The following HMX1 variants were observed in gnomAD, a reference collection of about 807,000 sequenced individuals.
The protein encoded by HMX1 is H6 family homeobox 1.
In HMX1, 8 loss-of-function variants were observed where a neutral mutation model predicts 8.9. That is an observed-to-expected ratio of 0.90 (90% CI 0.53 to 1.63). The LOEUF (loss-of-function observed/expected upper bound fraction) is 1.63, where lower values mean the gene tolerates loss of function less well. HMX1 is among the 40% of genes most tolerant of loss of function. The pLI, the probability that HMX1 is intolerant of heterozygous loss-of-function variation, is 0.00. For missense variants in HMX1, 621 were observed against 558.5 expected, an observed-to-expected ratio of 1.11 and a Z score of -1.13; for synonymous variants, 311 against 283.4, an observed-to-expected ratio of 1.10 and a Z score of -0.98.
rs1722026617 is a variant in HMX1, at chr4:8,867,216, G to A, written c.*477C>T. The A allele has an allele frequency of 1.0e-6, 1 of 985,798 alleles. No individual in the cohort carries two copies. The allele number at this position is 985,798 out of a possible 1,614,324, so 61.1% of individuals were successfully genotyped here. A position where few individuals can be genotyped will look rare whatever the true frequency, so the allele number is the denominator to read the frequency against. ...TTCTCCACCAGCACCCGCGAGAGGGGTAGCACAGCCCTCCGGGCCGGCCTG... is the reference window on the plus strand; with the variant it reads ...TTCTCCACCAGCACCCGCGAGAGGGATAGCACAGCCCTCCGGGCCGGCCTG... On this transcript the variant is annotated 3_prime_UTR_variant, in exon 2 of 2. Transcript: ENST00000400677.
downstream of HMX1, among the ~76,000 whole-genome samples, chr4:8,863,935 G>A (rs371804951): frequency 4.6e-5 from 7 of 152,368 alleles, no homozygotes; most frequent in East Asian, 7.7e-4. Flanking sequence ...AAACACCACC[G>A]TAGTGGCCTT....
downstream of HMX1, among the ~76,000 whole-genome samples, chr4:8,864,008 G>A (rs1216749252): frequency 6.6e-6 from 1 of 152,212 alleles, no homozygotes; most frequent in East Asian, 1.9e-4. Flanking sequence ...CTGGGGCAGG[G>A]TGGGGAGCTG....
intron 1 of HMX1, among the ~76,000 whole-genome samples, chr4:8,856,361 G>C (rs528019894): frequency 6.6e-6 from 1 of 152,326 alleles, no homozygotes; most frequent in East Asian, 1.9e-4. Context: ...TCCTCCGGTG[G>C]GGGTGGGATG....
intron 1 of HMX1, among the ~76,000 whole-genome samples, chr4:8,857,212 C>T (rs538316572): frequency 1.8e-4 from 28 of 152,326 alleles, no homozygotes; most frequent in African/African-American, 5.3e-4. Flanking sequence ...GCAATGCAGC[C>T]GCCGAGGAAG....
chr4:8,852,929 T>C (rs1309591644), intron 1 of HMX1, among the ~76,000 whole-genome samples: 1 of 151,858 alleles, frequency 6.6e-6, no homozygotes, highest in East Asian at 1.9e-4. Context: ...ATGTGAGAGC[T>C]GGTGCTTCAG....
Position 8,849,774 on chromosome 4 carries a change from G to A in HMX1, c.395-3450C>T, listed in dbSNP as rs537210361. ...GCTGGGTAGGGCAGGAAGAAATGGG[G>A]ACCCTCACAGGAGGTCTCTGAGCTG... is the stretch of plus-strand genomic sequence containing the variant. On this transcript the variant is annotated intron_variant, in intron 1 of 1. Coordinates refer to the HMX1 transcript ENST00000506970. The surrounding 1 kb of genome is among the most constrained non-coding windows in gnomAD (Gnocchi z 6.6). Among the ~76,000 whole-genome samples the A allele has an allele frequency of 6.6e-6, 1 of 152,312 alleles. No homozygotes were observed. The highest frequency in any genetic ancestry group is 1.9e-4 in the East Asian group (1 of 5,156).
downstream of HMX1, among the ~76,000 whole-genome samples, chr4:8,863,881 C>T (rs569049556): frequency 1.3e-5 from 2 of 152,216 alleles, no homozygotes; most frequent in African/African-American, 2.4e-5. Flanking sequence ...AGTCATTTCC[C>T]GAGGACAGGA....
At chr4:8,860,250 TGGGACCGATATACTGCAGGAGTCC>T (rs1721752769) in intron 1 of HMX1, among the ~76,000 whole-genome samples, 1 of 152,136 alleles carries the variant, frequency 6.6e-6, no homozygotes, top group South Asian at 2.1e-4. Flanking sequence ...CCAAAACCGC[TGGGACCGATATACTGCAGGAGTCC>T]GGGCACAGGC....
intron 1 of HMX1, among the ~76,000 whole-genome samples, chr4:8,861,816 G>A (rs1156934639): frequency 1.3e-5 from 2 of 152,266 alleles, no homozygotes; most frequent in African/African-American, 4.8e-5. Context: ...CCTTTCGCGT[G>A]GGTCGGGCGC....
rs1294127621 is a variant in HMX1 at position 8,871,473 on chromosome 4, C to T, written c.142G>A (p.Asp48Asn). ...GDGSREDEEE[D>N]DDDPEDEDAE... is the part of the protein sequence containing the mutation. Reference sequence around the variant, plus strand: ...TCCTCGTCTTCGGGGTCGTCGTCGTCCTCCTCCTCGTCCTCCCGGCTGCCG... The same window carrying T: ...TCCTCGTCTTCGGGGTCGTCGTCGTTCTCCTCCTCGTCCTCCCGGCTGCCG... Residue 48 changes from aspartate to asparagine, a missense_variant, in exon 1 of 2, where the codon GAC (aspartate) becomes AAC (asparagine). Coordinates refer to ENST00000400677, the MANE Select transcript of HMX1 (RefSeq NM_018942.3). This position sits in a 1 kb window ranked among gnomAD's most constrained non-coding sequence, Gnocchi z 4.8. 1.5e-6 allele frequency: 2 copies of T among 1,344,368 alleles called. No homozygotes were observed. The highest frequency in any genetic ancestry group is 3.1e-5 in the South Asian group (2 of 63,964). The allele number at this position is 1,344,368 out of a possible 1,614,324, so 83.3% of individuals were successfully genotyped here.
chr4:8,867,334 C>G lies in HMX1; in HGVS notation c.*359G>C, dbSNP rs1249191869. 23 of 1,002,726 alleles carry G rather than the reference C, an allele frequency of 2.3e-5. No individual in the cohort carries two copies. The highest frequency in any genetic ancestry group is 4.9e-4 in the Middle Eastern group (1 of 2,042). The allele number at this position is 1,002,726 out of a possible 1,614,324, so 62.1% of individuals were successfully genotyped here. ...CTTGGACAGCCGGTTCGTAGTTTTC[C>G]TTTGTTGCGCTGGGCTTGGCCTGAG... On this transcript the variant is annotated 3_prime_UTR_variant, in exon 2 of 2. Transcript: ENST00000400677.
downstream of HMX1, among the ~76,000 whole-genome samples, chr4:8,866,088 G>A (rs1187140357): frequency 2.0e-5 from 3 of 152,212 alleles, no homozygotes; most frequent in African/African-American, 7.2e-5. Flanking sequence ...TGGGCTTGCT[G>A]GAACCCTGGC....
rs1308532619 is a variant in HMX1 at position 8,870,496 on chromosome 4, G to A, written c.394+725C>T. On this transcript the variant is annotated intron_variant, in intron 1 of 1. Transcript: ENST00000400677. This position sits in a 1 kb window ranked among gnomAD's most constrained non-coding sequence, Gnocchi z 4.4. Reference sequence around the variant, plus strand: ...AGAAGAGAGAGGGGTTGGACTGGGGGCCTCAGAACAGGCTCCCTTCTTGCC... The same window carrying A: ...AGAAGAGAGAGGGGTTGGACTGGGGACCTCAGAACAGGCTCCCTTCTTGCC... 2.0e-5 allele frequency among the ~76,000 whole-genome samples: 3 copies of A among 152,126 alleles called. No homozygotes were observed. Among genetic ancestry groups the A allele is most frequent in the Non-Finnish European group, 4.4e-5 (3 of 68,006 alleles).
chr4:8,860,443 C>T (rs1201437158), intron 1 of HMX1, among the ~76,000 whole-genome samples: 2 of 152,252 alleles, frequency 1.3e-5, no homozygotes, highest in African/African-American at 4.8e-5. Context: ...ATGACCACTC[C>T]GCAGATGGGC....
downstream of HMX1, among the ~76,000 whole-genome samples, chr4:8,862,950 C>T (rs1721876660): frequency 1.3e-5 from 2 of 152,260 alleles, no homozygotes; most frequent in South Asian, 4.2e-4. Flanking sequence ...AAGGGGTGTC[C>T]ACCTCTCCGT....
At position 8,848,403 on chromosome 4, in the gene HMX1, C is replaced by T. The variant is rs532681117; in HGVS notation, c.395-2079G>A. On this transcript the variant is annotated intron_variant, in intron 1 of 1. Transcript: ENST00000506970. The surrounding 1 kb of genome is among the most constrained non-coding windows in gnomAD (Gnocchi z 4.1). The stretch of plus-strand genomic sequence containing the variant: ...CTATTGGACAATGCCACCTTGAAGC[C>T]TATGATATTTTGATAAAATGGAAAT... Among the ~76,000 whole-genome samples, 23 of 152,266 alleles carry T rather than the reference C, an allele frequency of 1.5e-4. No individual in the cohort carries two copies. Among genetic ancestry groups the T allele is most frequent in the African/African-American group, 5.3e-4 (22 of 41,544 alleles).
chr4:8,867,544 C>CCCGG lies in HMX1; in HGVS notation c.*145_*148dup. 8.4e-7 allele frequency: 1 copy of CCCGG among 1,188,508 alleles called. No homozygotes were observed. The highest frequency in any genetic ancestry group is 1.0e-6 in the Non-Finnish European group (1 of 960,336). 73.6% of individuals were successfully genotyped at this position (1,188,508 alleles called of 1,614,324 possible). On this transcript the variant is annotated 3_prime_UTR_variant, in exon 2 of 2. Transcript: ENST00000400677. ...CGCTCCCCACAGAAGCTGAGGCCCG[C>CCCGG]CCGGCCGCGGCCTGCGCTCCCGAGG...
intron 1 of HMX1, among the ~76,000 whole-genome samples, chr4:8,861,225 T>C (rs1721803438): frequency 6.6e-6 from 1 of 151,856 alleles, no homozygotes; most frequent in African/African-American, 2.4e-5. Flanking sequence ...TGAACCTGGC[T>C]CCAGGGCCCC....
downstream of HMX1, among the ~76,000 whole-genome samples, chr4:8,864,667 G>T (rs1311323702): frequency 6.6e-6 from 1 of 152,188 alleles, no homozygotes; most frequent in African/African-American, 2.4e-5. Context: ...TCTGCCTTTG[G>T]TGCCAGCCCC....
Sources: allele counts gnomAD v4.1 joint callset (sites outside exome capture counted in the v4.1 genomes callset), GRCh38; gene constraint gnomAD v4.1.1; non-coding constraint Gnocchi (gnomAD v3.1); transcripts MANE v1.5; gene names NCBI Gene and HGNC (gene_info 2026-07-23, HGNC 2026-07-21).